NCKAP5: variants seen among roughly 807,000 people sequenced by gnomAD.
The protein encoded by NCKAP5 is nck-associated protein 5.
NCKAP5 carries 92 observed loss-of-function variants against 167.0 expected under a neutral mutation model. That is an observed-to-expected ratio of 0.55 (90% CI 0.47 to 0.66). NCKAP5 has a LOEUF of 0.66. Among genes scored for constraint, NCKAP5 ranks in the 30% least tolerant of loss-of-function variants. NCKAP5 has a pLI of 0.00. For missense variants in NCKAP5, 2,378 were observed against 2,315.0 expected (o/e 1.03, Z -0.56); for synonymous variants, 891 against 877.4 (o/e 1.02, Z -0.27).
chr2:133,293,493 G>A (rs556102650), intron 4 of NCKAP5, among the ~76,000 whole-genome samples: 4 of 152,162 alleles, frequency 2.6e-5, no homozygotes, highest in Non-Finnish European at 4.4e-5. Context: ...CTTTCTGGAC[G>A]TAGTTCTACT....
intron 6 of NCKAP5, among the ~76,000 whole-genome samples, chr2:133,120,107 G>A (rs1459877165): frequency 3.3e-5 from 5 of 152,180 alleles, no homozygotes; most frequent in Admixed American, 3.3e-4. Flanking sequence ...GAAAATGCAT[G>A]CTGTCAGTTG....
At chr2:133,155,294 C>T (rs1450631338) in intron 5 of NCKAP5, among the ~76,000 whole-genome samples, 1 of 152,178 alleles carries the variant, frequency 6.6e-6, no homozygotes, top group Non-Finnish European at 1.5e-5. Flanking sequence ...CTTTAGAGTA[C>T]ATCAAAATCA....
intron 1 of NCKAP5, among the ~76,000 whole-genome samples, chr2:133,560,015 T>C (rs1688047472): frequency 6.6e-6 from 1 of 152,174 alleles, no homozygotes; most frequent in Admixed American, 6.5e-5. Flanking sequence ...CTCATACCTA[T>C]AGAGCCCCCA....
At chr2:133,066,460 T>C (rs2080198718) in intron 6 of NCKAP5, among the ~76,000 whole-genome samples, 2 of 152,318 alleles carry the variant, frequency 1.3e-5, no homozygotes, top group Admixed American at 6.5e-5. Flanking sequence ...TATTAAAGAA[T>C]AACAGCCCAA....
At chr2:133,278,013 A>G (rs2089797703) in intron 4 of NCKAP5, among the ~76,000 whole-genome samples, 1 of 152,214 alleles carries the variant, frequency 6.6e-6, no homozygotes, top group South Asian at 2.1e-4. Context: ...AAATGTAAAT[A>G]ATGAAACCAC....
At chr2:133,619,617 A>T in the NCKAP5 span, among the ~76,000 whole-genome samples, 1 of 152,154 alleles carries the variant, frequency 6.6e-6, no homozygotes, top group Non-Finnish European at 1.5e-5. Context: ...ATAAATGTCC[A>T]AACCTAAGAA....
intron 8 of NCKAP5, among the ~76,000 whole-genome samples, chr2:132,893,025 A>T (rs1692848841): frequency 6.6e-6 from 1 of 151,826 alleles, no homozygotes. Flanking sequence ...ACCAGAAAGG[A>T]AAAAAGCACA....
intron 4 of NCKAP5, among the ~76,000 whole-genome samples, chr2:133,283,172 G>A (rs559476874): frequency 1.3e-5 from 2 of 152,274 alleles, no homozygotes; most frequent in South Asian, 2.1e-4. Context: ...CATTTTAAAT[G>A]AGATTTTAAA....
intron 5 of NCKAP5, among the ~76,000 whole-genome samples, chr2:133,198,979 T>A (rs1436816820): frequency 6.6e-6 from 1 of 152,062 alleles, no homozygotes; most frequent in Non-Finnish European, 1.5e-5. Flanking sequence ...CAAAGGGTTT[T>A]CAGCAAAGGA....
intron 4 of NCKAP5, among the ~76,000 whole-genome samples, chr2:133,264,689 AAATGCTACAG>A (rs1385037780): frequency 6.6e-6 from 1 of 152,240 alleles, no homozygotes; most frequent in Non-Finnish European, 1.5e-5. Flanking sequence ...TCCTGGAAAG[AAATGCTACAG>A]AACAAAGTTC....
intron 6 of NCKAP5, among the ~76,000 whole-genome samples, chr2:133,074,532 T>A (rs1380884810): frequency 3.3e-5 from 5 of 152,066 alleles, no homozygotes; most frequent in South Asian, 2.1e-4. Context: ...GCTAGTTTTT[T>A]CATATTTTTT....
intron 3 of NCKAP5, among the ~76,000 whole-genome samples, chr2:133,475,969 G>A (rs144768774): frequency 1.5e-3 from 221 of 152,238 alleles, no homozygotes; most frequent in African/African-American, 5.0e-3. Context: ...AAAACAAAAA[G>A]CAGAACAGCA....
intron 6 of NCKAP5, among the ~76,000 whole-genome samples, chr2:133,106,218 A>ACG (rs2081688807): frequency 1.7e-5 from 2 of 119,070 alleles, no homozygotes. Context: ...GTGTGAATGC[A>ACG]GGAGGTGGAG....
At chr2:132,693,712 G>A (rs1192429313) in intron 19 of NCKAP5, among the ~76,000 whole-genome samples, 19 of 133,762 alleles carry the variant, frequency 1.4e-4, no homozygotes, top group African/African-American at 3.7e-4. Flanking sequence ...TGCAACCTCC[G>A]CTTCCCCAGT....
chr2:133,150,604 G>A (rs547369578), intron 5 of NCKAP5, among the ~76,000 whole-genome samples: 1 of 152,150 alleles, frequency 6.6e-6, no homozygotes, highest in Admixed American at 6.5e-5. Flanking sequence ...TTATTTAGGG[G>A]GAAAAGTAAG....
chr2:133,234,545 C>T (rs1322930449), intron 4 of NCKAP5, among the ~76,000 whole-genome samples: 1 of 152,126 alleles, frequency 6.6e-6, no homozygotes, highest in Non-Finnish European at 1.5e-5. Context: ...CCAGTACTGA[C>T]CACTGTATGT....
intron 11 of NCKAP5, among the ~76,000 whole-genome samples, chr2:132,853,671 TG>T (rs1055142895): frequency 1.3e-5 from 2 of 152,140 alleles, no homozygotes; most frequent in African/African-American, 2.4e-5. Flanking sequence ...TGAAACAATA[TG>T]GAAACATCAG....
At chr2:132,779,191 C>T (rs1682806864) in intron 15 of NCKAP5, among the ~76,000 whole-genome samples, 1 of 152,194 alleles carries the variant, frequency 6.6e-6, no homozygotes. Flanking sequence ...CTGTGAAAGA[C>T]TGCAGATGAG....
At chr2:133,295,269 C>A (rs1679879198) in intron 4 of NCKAP5, among the ~76,000 whole-genome samples, 1 of 152,196 alleles carries the variant, frequency 6.6e-6, no homozygotes, top group African/African-American at 2.4e-5. Context: ...TAGATCACCA[C>A]TTCCCTCGAT....
Sources: gnomAD v4.1 joint callset for allele counts (sites outside exome capture counted in the v4.1 genomes callset) on GRCh38, gnomAD v4.1.1 for gene constraint, MANE v1.5 for transcripts, NCBI Gene and HGNC (gene_info 2026-07-23, HGNC 2026-07-21) for gene names.